Variants in TENT5D observed in about 807,000 individuals in gnomAD.
TENT5D encodes the protein terminal nucleotidyltransferase 5D, also known as cancer/testis antigen 112.
For synonymous variants in TENT5D, 103 were observed against 100.6 expected (o/e 1.02, Z -0.15); for missense variants, 191 against 287.0 (o/e 0.67, Z 2.42).
upstream of TENT5D, among the ~76,000 whole-genome samples, chrX:80,417,776 A>C (rs1931806007): frequency 9.0e-6 from 1 of 110,576 alleles, no homozygotes; most frequent in Admixed American, 9.7e-5. Context: ...AAATCTGATG[A>C]CTTTGTGTCT....
chrX:80,387,368 A>C (rs887493629), intron 3 of TENT5D, among the ~76,000 whole-genome samples: 2 of 111,811 alleles, frequency 1.8e-5, no homozygotes, highest in South Asian at 7.5e-4. Context: ...ATTTGTATCT[A>C]TCCTCCATGG....
chrX:80,350,474 T>G (rs1001509542), intron 3 of TENT5D, among the ~76,000 whole-genome samples: 1 of 111,058 alleles, frequency 9.0e-6, no homozygotes, highest in Non-Finnish European at 1.9e-5. Flanking sequence ...TTGCCACCAC[T>G]GCTTTTTTTT....
At chrX:80,430,610 A>G (rs1435618029) in intron 1 of TENT5D, among the ~76,000 whole-genome samples, 1 of 111,920 alleles carries the variant, frequency 8.9e-6, no homozygotes, top group African/African-American at 3.3e-5. Flanking sequence ...GTCTGCAGAA[A>G]AGATTTAGTT....
intron 3 of TENT5D, among the ~76,000 whole-genome samples, chrX:80,364,254 C>T (rs975479997): frequency 1.8e-5 from 2 of 111,526 alleles, no homozygotes; most frequent in African/African-American, 6.5e-5. Context: ...ACCCCTAATT[C>T]AGGACAGGTG....
rs1164439327 is a variant in TENT5D at position 80,397,956 on chromosome X, GGAGGGA to G, written c.-141-40628_-141-40623del. On this transcript the variant is annotated intron_variant, in intron 3 of 4. Coordinates refer to the TENT5D transcript ENST00000538312. ...GACGGAGACCGTGGGAGAGGGCGAGGGAGGGAGAGGGAGAGGGAGAGGGAGAGGGAG... is the reference window on the plus strand; with the variant it reads ...GACGGAGACCGTGGGAGAGGGCGAGGGAGGGAGAGGGAGAGGGAGAGGGAG... Among the ~76,000 whole-genome samples, 483 of 107,733 alleles carry G rather than the reference GGAGGGA, an allele frequency of 4.5e-3. 3 individuals carry two copies. Among genetic ancestry groups the G allele is most frequent in the South Asian group, 0.013 (33 of 2,576 alleles). The allele number at this position is 107,733 out of a possible 115,157, so 93.6% of individuals were successfully genotyped here.
At chrX:80,402,199 AG>A (rs1364732771) in intron 3 of TENT5D, among the ~76,000 whole-genome samples, 1 of 111,609 alleles carries the variant, frequency 9.0e-6, no homozygotes, top group Non-Finnish European at 1.9e-5. Context: ...AATTGTTGAT[AG>A]TAGTCTGCTA....
At chrX:80,415,467 A>T (rs1931751255), upstream of TENT5D, among the ~76,000 whole-genome samples, 1 of 111,383 alleles carries the variant, frequency 9.0e-6, no homozygotes, top group African/African-American at 3.3e-5. Context: ...ATTTTGAGAT[A>T]TGTTCCTTCA....
chrX:80,396,579 C>T (rs1931247312), intron 3 of TENT5D, among the ~76,000 whole-genome samples: 1 of 110,421 alleles, frequency 9.1e-6, no homozygotes, highest in Admixed American at 9.6e-5. Context: ...TCAGAGGGCA[C>T]AGGGTTGAGG....
chrX:80,385,585 A>G (rs1356636804), intron 3 of TENT5D, among the ~76,000 whole-genome samples: 2 of 112,057 alleles, frequency 1.8e-5, no homozygotes, highest in Non-Finnish European at 3.8e-5. Flanking sequence ...ATCTAATTAA[A>G]CTAAAGAGCT....
chrX:80,359,238 G>T (rs751353036), intron 3 of TENT5D, among the ~76,000 whole-genome samples: 2 of 111,834 alleles, frequency 1.8e-5, no homozygotes, highest in Non-Finnish European at 3.8e-5. Flanking sequence ...GGAAGACAGT[G>T]TGGTGATTCC....
chrX:80,371,964 T>C (rs1930631681), intron 3 of TENT5D, among the ~76,000 whole-genome samples: 1 of 111,567 alleles, frequency 9.0e-6, no homozygotes, highest in Admixed American at 9.6e-5. Flanking sequence ...AGAGGCTTAG[T>C]TTACAGGAGT....
At chrX:80,355,379 C>T (rs900063020) in intron 3 of TENT5D, among the ~76,000 whole-genome samples, 3 of 111,571 alleles carry the variant, frequency 2.7e-5, no homozygotes, top group Admixed American at 9.5e-5. Context: ...CCCTGTCCCA[C>T]GGCCAAGATA....
chrX:80,424,337 T>C (rs1222905126), intron 1 of TENT5D, among the ~76,000 whole-genome samples: 5 of 111,885 alleles, frequency 4.5e-5, no homozygotes, highest in African/African-American at 1.6e-4. Context: ...TGATGGCTAG[T>C]TATGCGTGTT....
At chrX:80,420,622 A>G in intron 1 of TENT5D, 59 bp downstream of exon 1, 1 of 111,972 alleles carries the variant, frequency 8.9e-6, no homozygotes, top group East Asian at 2.8e-4. Flanking sequence ...GCACACATCA[A>G]AATTGACGTT....
chrX:80,351,260 C>T (rs12689915), intron 3 of TENT5D, among the ~76,000 whole-genome samples: 13,527 of 108,366 alleles, frequency 0.12, 943 homozygotes, highest in East Asian at 0.48. Context: ...TTCAATTCTC[C>T]CTATCACTTT....
At chrX:80,421,509 C>T (rs1268203921) in intron 1 of TENT5D, among the ~76,000 whole-genome samples, 1 of 111,970 alleles carries the variant, frequency 8.9e-6, no homozygotes, top group Middle Eastern at 4.2e-3. Flanking sequence ...CTTTTAAGTA[C>T]CTTAAGAGTG....
intron 3 of TENT5D, among the ~76,000 whole-genome samples, chrX:80,386,201 A>T (rs1291098749): frequency 1.5e-4 from 17 of 112,581 alleles, no homozygotes; most frequent in African/African-American, 5.5e-4. Flanking sequence ...AGACTGGATT[A>T]AGAAAATGTG....
At chrX:80,362,637 AT>A (rs1930432485) in intron 3 of TENT5D, among the ~76,000 whole-genome samples, 2 of 110,825 alleles carry the variant, frequency 1.8e-5, no homozygotes, top group Non-Finnish European at 3.8e-5. Context: ...TTCCCGCTTA[AT>A]TAGTTCCCTG....
chrX:80,347,025 G>T (rs752749937), intron 3 of TENT5D, among the ~76,000 whole-genome samples: 7 of 111,651 alleles, frequency 6.3e-5, no homozygotes, highest in African/African-American at 2.3e-4. Context: ...TTTTATGGCT[G>T]CATAGTATTC....
Sources: allele counts gnomAD v4.1 joint callset (sites outside exome capture counted in the v4.1 genomes callset), GRCh38; gene constraint gnomAD v4.1.1; transcripts MANE v1.5; gene names NCBI Gene and HGNC (gene_info 2026-07-23, HGNC 2026-07-21).